SARNP: variants seen among roughly 807,000 people sequenced by gnomAD.
SARNP encodes the protein SAP domain containing ribonucleoprotein, also known as SAP domain-containing ribonucleoprotein.
Under a neutral mutation model 38.1 loss-of-function variants are expected in SARNP, and 5 were observed. That is an observed-to-expected ratio of 0.13 (90% CI 0.07 to 0.28). The LOEUF (loss-of-function observed/expected upper bound fraction) is 0.28. Among genes scored for constraint, SARNP ranks in the 10% least tolerant of loss-of-function variants. SARNP has a pLI of 1.00. For synonymous variants in SARNP, 84 were observed against 80.6 expected (o/e 1.04, Z -0.23); for missense variants, 180 against 243.9 (o/e 0.74, Z 1.75).
intron 4 of SARNP, among the ~76,000 whole-genome samples, chr12:55,800,182 T>C (rs1879937287): frequency 6.6e-6 from 1 of 150,518 alleles, no homozygotes; most frequent in African/African-American, 2.5e-5. Context: ...CAGAGTGAGA[T>C]CCTGTCTCAA....
At chr12:55,758,905 CTTTT>C (rs1161845803) in intron 10 of SARNP, among the ~76,000 whole-genome samples, 1 of 136,644 alleles carries the variant, frequency 7.3e-6, no homozygotes. Context: ...GCCTAATATA[CTTTT>C]TTTTTTTTTT....
At chr12:55,792,001 T>A (rs1335193790) in intron 7 of SARNP, among the ~76,000 whole-genome samples, 1 of 152,058 alleles carries the variant, frequency 6.6e-6, no homozygotes, top group Non-Finnish European at 1.5e-5. Flanking sequence ...GCCTTGCACC[T>A]GTAGTCCCAG....
chr12:55,755,031 T>A (rs1344738525), downstream of SARNP: 1 of 152,068 alleles, frequency 6.6e-6, no homozygotes, highest in Non-Finnish European at 1.5e-5. Flanking sequence ...TAATTTTAAA[T>A]CCCTTTGGAA....
chr12:55,814,723 G>C (rs1880429836), intron 1 of SARNP, among the ~76,000 whole-genome samples: 1 of 152,028 alleles, frequency 6.6e-6, no homozygotes, highest in South Asian at 2.1e-4. Flanking sequence ...ACAAAAATTA[G>C]CCAGGCATGG....
chr12:55,757,608 G>A, intron 10 of SARNP, 55 bp from the exon 11 acceptor site: 2 of 1,429,804 alleles, frequency 1.4e-6, no homozygotes, highest in Non-Finnish European at 1.9e-6. Flanking sequence ...AGTTGCCTGG[G>A]TTCCTGGCTG....
intron 1 of SARNP, among the ~76,000 whole-genome samples, chr12:55,804,111 T>C (rs1369205873): frequency 6.6e-6 from 1 of 152,174 alleles, no homozygotes; most frequent in Non-Finnish European, 1.5e-5. Context: ...AATCCAATGA[T>C]CTAAAAGCAG....
chr12:55,781,510 G>A (rs903849697), intron 9 of SARNP, among the ~76,000 whole-genome samples: 6 of 149,544 alleles, frequency 4.0e-5, no homozygotes, highest in Non-Finnish European at 7.4e-5. Flanking sequence ...CTTCAGCCTG[G>A]GCAAAAGAGC....
At chr12:55,783,526 G>A (rs1209204610) in intron 9 of SARNP, among the ~76,000 whole-genome samples, 1 of 148,582 alleles carries the variant, frequency 6.7e-6, no homozygotes, top group East Asian at 2.0e-4. Flanking sequence ...CTGGAAACAT[G>A]AACAAACAGA....
chr12:55,799,388 C>T (rs563387561), intron 4 of SARNP, among the ~76,000 whole-genome samples: 10 of 152,214 alleles, frequency 6.6e-5, no homozygotes, highest in African/African-American at 2.4e-4. Context: ...TTTAGGATCA[C>T]CCTTGTGGAA....
Position 55,789,061 on chromosome 12 carries a change from C to A in SARNP, c.501+14G>T. 1 of 1,572,506 alleles carries A rather than the reference C, an allele frequency of 6.4e-7. No individual in the cohort carries two copies. Among genetic ancestry groups the A allele is most frequent in the East Asian group, 2.2e-5 (1 of 44,500 alleles). On this transcript the variant is annotated intron_variant, in intron 9 of 10. Coordinates refer to ENST00000336133, the MANE Select transcript of SARNP (RefSeq NM_033082.4). The stretch of plus-strand genomic sequence containing the variant: ...AATGTCACAAAAACATTACTTCCAT[C>A]GAGCCTACATTACCTTTCTGGAGAT...
At chr12:55,787,672 G>A (rs1879542889) in intron 9 of SARNP, among the ~76,000 whole-genome samples, 1 of 152,062 alleles carries the variant, frequency 6.6e-6, no homozygotes, top group Non-Finnish European at 1.5e-5. Context: ...CTGACCTCAG[G>A]TGATCTGCCC....
rs375439417 is a variant in SARNP, at chr12:55,794,356, T to C, written c.406+3A>G. 4.4e-6 allele frequency: 7 copies of C among 1,607,980 alleles called. No individual in the cohort carries two copies. The African/African-American group carries it at 9.4e-5, about 22-fold the overall frequency. ...TTTCTCAGAAGTATCTCTGTACTCT[T>C]ACCTTTTGTTGGAACTGAAGAAATC... On this transcript the variant is annotated splice_donor_region_variant and intron_variant, in intron 7 of 10. Coordinates refer to ENST00000336133, the MANE Select transcript of SARNP (RefSeq NM_033082.4).
At chr12:55,764,789 G>A (rs1878779246) in intron 9 of SARNP, among the ~76,000 whole-genome samples, 1 of 135,992 alleles carries the variant, frequency 7.4e-6, no homozygotes, top group African/African-American at 2.8e-5. Context: ...CCAAGATCAC[G>A]CCACTGCACT....
At position 55,794,394 on chromosome 12, in the gene SARNP, A is replaced by T. The variant is rs1879760082; in HGVS notation, c.378-7T>A. ...AACTGAAGAAATCCCAAACCTGAAG[A>T]AGGAAAAACAAACTAAATTTTAGGA... On this transcript the variant is annotated splice_region_variant and splice_polypyrimidine_tract_variant and intron_variant, in intron 6 of 10. Coordinates refer to ENST00000336133, the MANE Select transcript of SARNP (RefSeq NM_033082.4). 1.2e-6 allele frequency: 2 copies of T among 1,606,146 alleles called. No individual in the cohort carries two copies. The highest frequency in any genetic ancestry group is 8.5e-7 in the Non-Finnish European group (1 of 1,178,092).
intron 1 of SARNP, among the ~76,000 whole-genome samples, chr12:55,817,290 C>T (rs1474586785): frequency 1.3e-5 from 2 of 152,158 alleles, no homozygotes; most frequent in Non-Finnish European, 2.9e-5. Context: ...CTGGAAACAT[C>T]ATCCCAGGGA....
At chr12:55,775,804 C>A (rs1565674010) in intron 9 of SARNP, among the ~76,000 whole-genome samples, 1 of 152,140 alleles carries the variant, frequency 6.6e-6, no homozygotes, top group Non-Finnish European at 1.5e-5. Flanking sequence ...AAGAGCAACT[C>A]TGCTATTTTG....
rs1417465604 is a variant in SARNP, at chr12:55,760,576, C to A, written c.566G>T (p.Gly189Val). Residue 189 changes from glycine (G) to valine (V), a missense_variant, in exon 10 of 11, where the codon GGA becomes GTA. Around this residue, in one of 2 missense-constraint regions of SARNP, gnomAD observed 19 missense variants for 49.8 expected, o/e 0.38. Coordinates refer to ENST00000336133, the MANE Select transcript of SARNP (RefSeq NM_033082.4). ...ERFGIVTSSA[G>V]TGTTEDTEAK... is the part of the protein sequence containing the mutation. ...CTCTGTATCCTCTGTGGTTCCAGTT[C>A]CAGCTGAACTTGTGACAATCCCAAA... 6.8e-6 allele frequency: 11 copies of A among 1,612,188 alleles called. No individual in the cohort carries two copies. The highest frequency in any genetic ancestry group is 9.3e-6 in the Non-Finnish European group (11 of 1,178,238).
chr12:55,816,219 A>G (rs988449582), intron 1 of SARNP, among the ~76,000 whole-genome samples: 1 of 152,236 alleles, frequency 6.6e-6, no homozygotes, highest in Non-Finnish European at 1.5e-5. Flanking sequence ...ACAAATAGGA[A>G]GAAAATATTA....
intron 1 of SARNP, among the ~76,000 whole-genome samples, chr12:55,816,495 A>ACC (rs1880489971): frequency 6.6e-6 from 1 of 152,194 alleles, no homozygotes; most frequent in Non-Finnish European, 1.5e-5. Flanking sequence ...AGTAAGAAAA[A>ACC]CATCAGTTTC....
Sources: gnomAD v4.1 joint callset for allele counts (sites outside exome capture counted in the v4.1 genomes callset) on GRCh38, gnomAD v4.1.1 for gene constraint, gnomAD v4.1.1 regional missense constraint, MANE v1.5 for transcripts, NCBI Gene and HGNC (gene_info 2026-07-23, HGNC 2026-07-21) for gene names.